Variants in RCC2 observed in about 807,000 individuals in gnomAD.
RCC2 encodes regulator of chromosome condensation 2, also known as protein RCC2.
In RCC2, 19 loss-of-function variants were observed where a neutral mutation model predicts 64.1. The ratio of observed to expected loss-of-function variants is 0.30; its 90% CI spans 0.21 to 0.44. RCC2 has a LOEUF of 0.44. Ranked by LOEUF, RCC2 falls within the 20% of genes least tolerant of loss-of-function variation. RCC2 has a pLI of 1.00. For missense variants in RCC2, 508 were observed against 710.4 expected, an observed-to-expected ratio of 0.72 and a Z score of 3.24; for synonymous variants, 325 against 279.6, an observed-to-expected ratio of 1.16 and a Z score of -1.62.
intron 11 of RCC2, among the ~76,000 whole-genome samples, chr1:17,411,470 G>T (rs932965499): frequency 2.6e-5 from 4 of 152,022 alleles, no homozygotes; most frequent in African/African-American, 4.8e-5. Flanking sequence ...CAGCTACTCA[G>T]GAGGCTGAAG....
At chr1:17,410,121 C>A in intron 11 of RCC2, 70 bp from the exon 12 acceptor site, 1 of 1,395,246 alleles carries the variant, frequency 7.2e-7, no homozygotes, top group Non-Finnish European at 1.0e-6. Context: ...GGAATCACGG[C>A]AACATTTCCT....
intron 2 of RCC2, among the ~76,000 whole-genome samples, chr1:17,435,149 C>T (rs1217782449): frequency 1.3e-5 from 2 of 152,022 alleles, no homozygotes; most frequent in South Asian, 2.1e-4. Context: ...TGAGTGTGGC[C>T]GTGAGAGCGG....
At chr1:17,413,772 G>A in intron 8 of RCC2, 55 bp from the exon 9 acceptor site, 3 of 1,502,000 alleles carry the variant, frequency 2.0e-6, no homozygotes, top group Admixed American at 2.0e-5. Flanking sequence ...CAGGCAACAA[G>A]AGGGGTCATC....
chr1:17,429,382 C>T (rs2075650764), intron 2 of RCC2, among the ~76,000 whole-genome samples, 183 bp from the exon 3 acceptor site: 1 of 152,164 alleles, frequency 6.6e-6, no homozygotes, highest in Non-Finnish European at 1.5e-5. Context: ...GCAATGCGGG[C>T]AACCCCAAAC....
intron 2 of RCC2, 126 bp downstream of exon 2, chr1:17,438,104 G>T: frequency 1.5e-6 from 1 of 661,270 alleles, no homozygotes; most frequent in Non-Finnish European, 1.9e-6. Flanking sequence ...CGCGGCCTGC[G>T]CCGGCCCGGC....
At chr1:17,422,911 A>G in intron 4 of RCC2, 75 bp from the exon 5 acceptor site, 1 of 1,566,182 alleles carries the variant, frequency 6.4e-7, no homozygotes, top group Non-Finnish European at 8.8e-7. Context: ...GGCGAGTACA[A>G]ACACACTCTC....
At chr1:17,438,814 A>G (rs893452926) in intron 1 of RCC2, among the ~76,000 whole-genome samples, 13 of 152,286 alleles carry the variant, frequency 8.5e-5, no homozygotes, top group Admixed American at 2.0e-4. Context: ...CCCACAAAGC[A>G]TCACAGTTGC....
At chr1:17,413,395 G>T in intron 9 of RCC2, 142 bp downstream of exon 9, 1 of 1,002,968 alleles carries the variant, frequency 1.0e-6, no homozygotes, top group Non-Finnish European at 1.5e-6. Flanking sequence ...CACCGGCCTG[G>T]ACAACACAAC....
intron 2 of RCC2, among the ~76,000 whole-genome samples, chr1:17,430,126 A>G (rs2075659808): frequency 6.6e-6 from 1 of 152,244 alleles, no homozygotes; most frequent in Non-Finnish European, 1.5e-5. Flanking sequence ...CAAGGGAAGC[A>G]TTCACTGCTA....
chr1:17,432,466 A>T (rs1386294290), intron 2 of RCC2, among the ~76,000 whole-genome samples: 1 of 152,122 alleles, frequency 6.6e-6, no homozygotes, highest in African/African-American at 2.4e-5. Flanking sequence ...AGCCTAGAAA[A>T]GAGCCCTGGA....
At position 17,409,053 on chromosome 1, in the gene RCC2, C is replaced by T. The variant is rs764171381; in HGVS notation, c.*37G>A. ...CAGTGCACATGGAAATGACAGCTGC[C>T]GCGAGAGGTGTGGAGTCGGAGGAGT... On this transcript the variant is annotated 3_prime_UTR_variant, in exon 13 of 13. Coordinates refer to ENST00000375436, the MANE Select transcript of RCC2 (RefSeq NM_018715.4). 3.2e-5 allele frequency: 46 copies of T among 1,416,248 alleles called. No individual in the cohort carries two copies. The highest frequency in any genetic ancestry group is 3.4e-5 in the Admixed American group (2 of 59,684). The allele number at this position is 1,416,248 out of a possible 1,614,324, so 87.7% of individuals were successfully genotyped here. A position where few individuals can be genotyped will look rare whatever the true frequency, so the allele number is the denominator to read the frequency against.
intron 1 of RCC2, among the ~76,000 whole-genome samples, chr1:17,438,878 A>T (rs778804396): frequency 1.3e-5 from 2 of 152,178 alleles, no homozygotes; most frequent in South Asian, 4.1e-4. Context: ...AGTCCCCTAG[A>T]TTTTCATTAA....
chr1:17,438,019 G>T (rs1477716946), intron 2 of RCC2, among the ~76,000 whole-genome samples: 1 of 146,242 alleles, frequency 6.8e-6, no homozygotes, highest in African/African-American at 2.5e-5. Context: ...CGGTGCCCGG[G>T]GTCGGGTAGG....
chr1:17,420,970 G>A, intron 6 of RCC2, 142 bp from the exon 7 acceptor site: 1 of 621,582 alleles, frequency 1.6e-6, no homozygotes, highest in Non-Finnish European at 2.9e-6. Flanking sequence ...AAAAGCTGAA[G>A]GCATTTCTAG....
In RCC2 at chr1:17,438,291, G is replaced by T; in HGVS notation, c.224C>A (p.Ala75Glu). The T allele has an allele frequency of 7.9e-7, 1 of 1,271,940 alleles. No individual in the cohort carries two copies. The highest frequency in any genetic ancestry group is 1.0e-6 in the Non-Finnish European group (1 of 996,542). The allele number at this position is 1,271,940 out of a possible 1,614,324, so 78.8% of individuals were successfully genotyped here. A position where few individuals can be genotyped will look rare whatever the true frequency, so the allele number is the denominator to read the frequency against. Residue 75 changes from alanine (A) to glutamate (E), a missense_variant, in exon 2 of 13, where the codon GCA becomes GAA. Coordinates refer to ENST00000375436, the MANE Select transcript of RCC2 (RefSeq NM_018715.4). ...CACGGCCGCGCCGCCCGCCTTGCCT[G>T]CTGTCGCCGGCCGCGCCGCGCGCTT... ...GGKRAARPAT[A>E]GKAGGAAVVI...
At chr1:17,412,240 T>C in intron 10 of RCC2, 46 bp from the exon 11 acceptor site, 2 of 1,585,568 alleles carry the variant, frequency 1.3e-6, no homozygotes, top group Non-Finnish European at 1.7e-6. Flanking sequence ...GCCCCAGACC[T>C]GCACCCACGC....
At chr1:17,424,671 A>C (rs1424840351) in intron 4 of RCC2, among the ~76,000 whole-genome samples, 3 of 152,244 alleles carry the variant, frequency 2.0e-5, no homozygotes, top group African/African-American at 4.8e-5. Context: ...AAAACGGTTC[A>C]AACAGCCCAA....
intron 2 of RCC2, among the ~76,000 whole-genome samples, chr1:17,437,757 CCGCT>C (rs1489898744): frequency 6.8e-6 from 1 of 147,348 alleles, no homozygotes; most frequent in Non-Finnish European, 1.5e-5. Context: ...GCGCAAACGG[CCGCT>C]CCCCGCAGAG....
At chr1:17,432,039 G>C (rs1323873408) in intron 2 of RCC2, among the ~76,000 whole-genome samples, 1 of 151,218 alleles carries the variant, frequency 6.6e-6, no homozygotes, top group Non-Finnish European at 1.5e-5. Flanking sequence ...AGCGAGCCGA[G>C]ATCACACCAT....
Sources: gnomAD v4.1 joint callset for allele counts (sites outside exome capture counted in the v4.1 genomes callset) on GRCh38, gnomAD v4.1.1 for gene constraint, MANE v1.5 for transcripts, NCBI Gene and HGNC (gene_info 2026-07-23, HGNC 2026-07-21) for gene names.